PARD3B: variants seen among roughly 807,000 people sequenced by gnomAD.
PARD3B encodes partitioning defective 3 homolog B.
PARD3B carries 103 observed loss-of-function variants against 130.2 expected under a neutral mutation model. The ratio of observed to expected loss-of-function variants is 0.79; its 90% CI spans 0.67 to 0.93. The LOEUF (loss-of-function observed/expected upper bound fraction) is 0.93. Among genes scored for constraint, PARD3B ranks in the 40% least tolerant of loss-of-function variants. The pLI is 0.00. For missense variants in PARD3B, 1,609 were observed against 1,499.2 expected (o/e 1.07, Z -1.21); for synonymous variants, 583 against 553.2 (o/e 1.05, Z -0.76).
intron 4 of PARD3B, among the ~76,000 whole-genome samples, chr2:205,049,113 C>T (rs906283791): frequency 2.6e-5 from 4 of 152,084 alleles, no homozygotes; most frequent in Non-Finnish European, 5.9e-5. Flanking sequence ...TACCCTAAAA[C>T]GAGAGTGTGT....
chr2:205,110,217 C>T (rs1306942234), intron 5 of PARD3B, among the ~76,000 whole-genome samples: 1 of 152,162 alleles, frequency 6.6e-6, no homozygotes, highest in East Asian at 1.9e-4. Flanking sequence ...GTCCATTTGC[C>T]TTGTGTAAAG....
chr2:205,109,901 G>A (rs1432934463), intron 5 of PARD3B, among the ~76,000 whole-genome samples: 3 of 151,934 alleles, frequency 2.0e-5, no homozygotes, highest in East Asian at 1.9e-4. Context: ...TGATCTGCCC[G>A]CCTTGGCCTC....
chr2:204,987,512 C>G (rs904629101), intron 3 of PARD3B, among the ~76,000 whole-genome samples: 3 of 152,160 alleles, frequency 2.0e-5, no homozygotes, highest in African/African-American at 4.8e-5. Flanking sequence ...TCTGTCTTCT[C>G]TTTCTAGAAG....
At chr2:205,225,187 T>C (rs1372804867) in intron 15 of PARD3B, among the ~76,000 whole-genome samples, 1 of 152,178 alleles carries the variant, frequency 6.6e-6, no homozygotes, top group Admixed American at 6.5e-5. Context: ...CTCCAAACCA[T>C]TTTCCATAAT....
intron 1 of PARD3B, among the ~76,000 whole-genome samples, chr2:204,638,951 A>G (rs1385548141): frequency 6.6e-6 from 1 of 151,816 alleles, no homozygotes; most frequent in Non-Finnish European, 1.5e-5. Flanking sequence ...CTTATTAACT[A>G]TGTGTCCTTG....
chr2:205,443,222 G>A (rs988242991), intron 20 of PARD3B, among the ~76,000 whole-genome samples: 7 of 152,216 alleles, frequency 4.6e-5, no homozygotes, highest in Non-Finnish European at 1.0e-4. Flanking sequence ...TCTAAGAAGA[G>A]TTGCTATGGC....
intron 1 of PARD3B, among the ~76,000 whole-genome samples, chr2:204,643,039 G>A (rs1438009314): frequency 1.4e-5 from 2 of 145,964 alleles, no homozygotes; most frequent in East Asian, 2.1e-4. Context: ...ATTTGAACCC[G>A]GGGGGCGCAG....
At chr2:204,766,500 T>C (rs1446932705) in intron 2 of PARD3B, among the ~76,000 whole-genome samples, 6 of 152,136 alleles carry the variant, frequency 3.9e-5, no homozygotes, top group African/African-American at 1.4e-4. Context: ...TTTTCTAAAT[T>C]GCACTGTTAA....
chr2:205,179,280 A>T (rs1334551905), intron 13 of PARD3B, among the ~76,000 whole-genome samples: 1 of 152,226 alleles, frequency 6.6e-6, no homozygotes, highest in Non-Finnish European at 1.5e-5. Flanking sequence ...AAAGTAACAA[A>T]GTTACTGAGA....
rs1689106005 is a variant in PARD3B, at chr2:204,943,871, C to A, written c.223-21281C>A. On this transcript the variant is annotated intron_variant, in intron 2 of 22. Transcript: ENST00000406610. The surrounding 1 kb of genome is among the most constrained non-coding windows in gnomAD (Gnocchi z 4.2). The stretch of plus-strand genomic sequence containing the variant: ...GAAAACTGAGATTTCAGAGGGGAAA[C>A]AAAGTTAAAGCCCAAAGAGTAAAAT... Among the ~76,000 whole-genome samples the A allele has an allele frequency of 1.3e-5, 2 of 151,828 alleles. No homozygotes were observed. Among genetic ancestry groups the A allele is most frequent in the African/African-American group, 4.8e-5 (2 of 41,328 alleles).
At chr2:205,095,488 G>A (rs1304900040) in intron 4 of PARD3B, among the ~76,000 whole-genome samples, 1 of 152,152 alleles carries the variant, frequency 6.6e-6, no homozygotes, top group African/African-American at 2.4e-5. Context: ...ACATATTTGT[G>A]TAGGGAGAAG....
intron 2 of PARD3B, among the ~76,000 whole-genome samples, chr2:204,875,802 G>A (rs944252160): frequency 6.6e-6 from 1 of 152,194 alleles, no homozygotes; most frequent in African/African-American, 2.4e-5. Flanking sequence ...GATTAAGAAG[G>A]CGGCCCTAAA....
intron 4 of PARD3B, among the ~76,000 whole-genome samples, chr2:205,099,709 A>G (rs1702621357): frequency 6.6e-6 from 1 of 152,166 alleles, no homozygotes. Flanking sequence ...ATGTCCTTAT[A>G]GGATGCCCTA....
intron 2 of PARD3B, among the ~76,000 whole-genome samples, chr2:204,706,943 C>T (rs996103686): frequency 3.9e-5 from 6 of 152,054 alleles, no homozygotes; most frequent in Non-Finnish European, 7.4e-5. Flanking sequence ...TAAGAAAACA[C>T]GCTTGGATAT....
chr2:205,378,750 G>A lies in PARD3B; in HGVS notation c.2631-22263G>A, dbSNP rs576359727. Among the ~76,000 whole-genome samples the A allele has an allele frequency of 1.1e-4, 16 of 151,286 alleles. No individual in the cohort carries two copies. In the East Asian group the frequency reaches 2.9e-3, roughly 28 times the overall value. On this transcript the variant is annotated intron_variant, in intron 18 of 22. Transcript: ENST00000406610. ...AGGTTCAAGTGATTCTCCTGCCTCA[G>A]CCTCCTGAGTATTTGGGACTACAGG...
Position 205,253,605 on chromosome 2 carries a change from A to T in PARD3B, c.2185+7783A>T, listed in dbSNP as rs2039949870. The stretch of plus-strand genomic sequence containing the variant: ...AGCCCAGCAGAAAGACAGAGAAAGA[A>T]GCCTCCTTGGGGTTCCATTACCCAC... On this transcript the variant is annotated intron_variant, in intron 16 of 22. Transcript: ENST00000406610. The surrounding 1 kb of genome is among the most constrained non-coding windows in gnomAD (Gnocchi z 4.4). 7.7e-6 allele frequency: 3 copies of T among 390,662 alleles called. No individual in the cohort carries two copies. Among genetic ancestry groups the T allele is most frequent in the South Asian group, 6.0e-5 (3 of 50,098 alleles). The allele number at this position is 390,662 out of a possible 1,614,324, so 24.2% of individuals were successfully genotyped here. A position where few individuals can be genotyped will look rare whatever the true frequency, so the allele number is the denominator to read the frequency against.
At chr2:205,003,327 G>T (rs537881156) in intron 3 of PARD3B, among the ~76,000 whole-genome samples, 306 of 152,202 alleles carry the variant, frequency 2.0e-3, no homozygotes, top group Non-Finnish European at 3.9e-3. Context: ...CTCCATAATA[G>T]GTTCACAGGT....
At chr2:205,210,798 A>G (rs1390249154) in intron 15 of PARD3B, among the ~76,000 whole-genome samples, 1 of 151,954 alleles carries the variant, frequency 6.6e-6, no homozygotes, top group African/African-American at 2.4e-5. Context: ...CTGTGGTTAA[A>G]CCTCTCCCAG....
intron 2 of PARD3B, among the ~76,000 whole-genome samples, chr2:204,927,864 A>G (rs868699347): frequency 1.7e-4 from 23 of 131,788 alleles, no homozygotes; most frequent in Admixed American, 5.8e-4. Context: ...AGGTAGGTAG[A>G]TAGATAGATA....
Sources: allele counts gnomAD v4.1 joint callset (sites outside exome capture counted in the v4.1 genomes callset), GRCh38; gene constraint gnomAD v4.1.1; non-coding constraint Gnocchi (gnomAD v3.1); transcripts MANE v1.5; gene names NCBI Gene and HGNC (gene_info 2026-07-23, HGNC 2026-07-21).